The following TNIP1 variants were observed in gnomAD, a reference collection of about 807,000 sequenced individuals.
TNIP1 encodes the protein TNFAIP3 interacting protein 1.
In TNIP1, 22 loss-of-function variants were observed where a neutral mutation model predicts 86.6. That is an observed-to-expected ratio of 0.25 (90% CI 0.18 to 0.36). The LOEUF (loss-of-function observed/expected upper bound fraction) is 0.36, where lower values mean the gene tolerates loss of function less well. TNIP1 is among the 10% of genes least tolerant of loss of function. TNIP1 has a pLI of 1.00. For synonymous variants in TNIP1, 294 were observed against 313.0 expected (o/e 0.94, Z 0.64); for missense variants, 709 against 820.6 (o/e 0.86, Z 1.66).
At chr5:151,032,452 G>T in intron 16 of TNIP1, 69 bp from the exon 17 acceptor site, 1 of 1,433,090 alleles carries the variant, frequency 7.0e-7, no homozygotes. Flanking sequence ...TACTGTGCCA[G>T]GACAATACTA....
intron 15 of TNIP1, among the ~76,000 whole-genome samples, chr5:151,034,099 T>C (rs1302066999): frequency 1.5e-3 from 142 of 97,588 alleles, no homozygotes; most frequent in Middle Eastern, 0.01. Context: ...TACATGGGCA[T>C]GGAAGGCTAG....
At chr5:151,052,141 C>T in intron 7 of TNIP1, 24 bp downstream of exon 7, 1 of 1,610,794 alleles carries the variant, frequency 6.2e-7, no homozygotes, top group Middle Eastern at 1.7e-4. Flanking sequence ...CTCCTCACCC[C>T]TTCTCTGAGG....
intron 1 of TNIP1, among the ~76,000 whole-genome samples, chr5:151,070,797 A>C (rs1012623789): frequency 6.6e-6 from 1 of 152,176 alleles, no homozygotes; most frequent in Non-Finnish European, 1.5e-5. Flanking sequence ...TCCATCCATC[A>C]AAGGCCGGGT....
intron 5 of TNIP1, among the ~76,000 whole-genome samples, chr5:151,059,506 C>A (rs537315471): frequency 6.6e-6 from 1 of 152,212 alleles, no homozygotes; most frequent in Admixed American, 6.5e-5. Context: ...TGAAGGGAGG[C>A]AGCAGGGATC....
chr5:151,078,186 C>T (rs971270220), intron 1 of TNIP1, among the ~76,000 whole-genome samples: 1 of 152,242 alleles, frequency 6.6e-6, no homozygotes, highest in Non-Finnish European at 1.5e-5. Flanking sequence ...GCTCCTTACG[C>T]ACCTGTGCAT....
At chr5:151,047,631 T>C (rs1228511029) in intron 8 of TNIP1, among the ~76,000 whole-genome samples, 2 of 152,032 alleles carry the variant, frequency 1.3e-5, no homozygotes, top group African/African-American at 4.8e-5. Flanking sequence ...AGGAAGGGGA[T>C]AGGGGAACTC....
In TNIP1 at chr5:151,044,594, T is replaced by C. The variant is rs527546756; in HGVS notation, c.936+1267A>G. ...AATACAAAAAGAAATCTAAAACTAA[T>C]ATGCACATCAAGAAGCTTTCAAATG... On this transcript the variant is annotated intron_variant, in intron 9 of 17. Transcript: ENST00000521591. 8.5e-5 allele frequency among the ~76,000 whole-genome samples: 13 copies of C among 152,200 alleles called. No homozygotes were observed. The South Asian group carries it at 1.9e-3, about 22-fold the overall frequency.
upstream of TNIP1, among the ~76,000 whole-genome samples, chr5:151,084,198 ACT>A: frequency 6.6e-6 from 1 of 152,178 alleles, no homozygotes; most frequent in East Asian, 1.9e-4. Context: ...TAATCCCAAC[ACT>A]CTGGGAGGCT....
At chr5:151,055,136 G>A (rs1428628554) in intron 6 of TNIP1, among the ~76,000 whole-genome samples, 1 of 152,144 alleles carries the variant, frequency 6.6e-6, no homozygotes, top group Non-Finnish European at 1.5e-5. Flanking sequence ...TTCACCAAGT[G>A]TGTATGAAGT....
intron 5 of TNIP1, among the ~76,000 whole-genome samples, chr5:151,058,824 G>A (rs1336746366): frequency 1.3e-5 from 2 of 152,294 alleles, no homozygotes; most frequent in Admixed American, 1.3e-4. Flanking sequence ...GAGGTATAAC[G>A]AGAACTGAGG....
rs1225074320 is a variant in TNIP1 at position 151,057,236 on chromosome 5, G to A, written c.436-279C>T. On this transcript the variant is annotated intron_variant, in intron 5 of 17. Transcript: ENST00000521591. ...GTGCCTGACAGTAAGTCACTTGTCTGCTGGACCTCAGCATCCTCATCTACC... is the reference window on the plus strand; with the variant it reads ...GTGCCTGACAGTAAGTCACTTGTCTACTGGACCTCAGCATCCTCATCTACC... Among the ~76,000 whole-genome samples, 3 of 152,206 alleles carry A rather than the reference G, an allele frequency of 2.0e-5. No homozygotes were observed. The East Asian group carries it at 5.8e-4, about 29-fold the overall frequency.
intron 2 of TNIP1, among the ~76,000 whole-genome samples, chr5:151,064,086 C>A (rs897318583): frequency 2.6e-5 from 4 of 152,206 alleles, no homozygotes; most frequent in African/African-American, 9.6e-5. Flanking sequence ...GGGGCTCCCC[C>A]ACCCTACGGG....
At chr5:151,078,016 G>A (rs1763582617) in intron 1 of TNIP1, among the ~76,000 whole-genome samples, 1 of 152,100 alleles carries the variant, frequency 6.6e-6, no homozygotes, top group Admixed American at 6.5e-5. Flanking sequence ...CTTCCCTCCA[G>A]AAGACCCCTC....
At chr5:151,057,673 C>T (rs1428340066) in intron 5 of TNIP1, among the ~76,000 whole-genome samples, 1 of 152,140 alleles carries the variant, frequency 6.6e-6, no homozygotes, top group Non-Finnish European at 1.5e-5. Flanking sequence ...GCAGAGATCG[C>T]ACCACAGCAC....
rs1004505534 is a variant in TNIP1 at position 151,064,867 on chromosome 5, T to C, written c.136+93A>G. 7 of 1,569,984 alleles carry C rather than the reference T, an allele frequency of 4.5e-6. No individual in the cohort carries two copies. The African/African-American group carries it at 8.1e-5, about 18-fold the overall frequency. On this transcript the variant is annotated intron_variant, in intron 2 of 17. Transcript: ENST00000521591. Reference sequence around the variant, plus strand: ...ACAGGGGATGACTTGGGCAGAGGCATATGCCAGCTTCATTCTCCACTGCTA... The same window carrying C: ...ACAGGGGATGACTTGGGCAGAGGCACATGCCAGCTTCATTCTCCACTGCTA...
At chr5:151,064,692 C>T (rs1762019450) in intron 2 of TNIP1, among the ~76,000 whole-genome samples, 2 of 152,206 alleles carry the variant, frequency 1.3e-5, no homozygotes, top group Admixed American at 6.5e-5. Flanking sequence ...CTTCCAGCCC[C>T]CTTTCCCTTA....
rs1232267466 is a variant in TNIP1 at position 151,044,427 on chromosome 5, AATTTT to A, written c.936+1429_936+1433del. Among the ~76,000 whole-genome samples, 7 of 152,146 alleles carry A rather than the reference AATTTT, an allele frequency of 4.6e-5. No individual in the cohort carries two copies. In the South Asian group the frequency reaches 6.2e-4, roughly 14 times the overall value. On this transcript the variant is annotated intron_variant, in intron 9 of 17. Transcript: ENST00000521591. ...TATATATACACACACGTATATGTAT[AATTTT>A]ATTCTACTTTGAAAAAAACTGAGGG...
chr5:151,085,649 C>T (rs1764247374), upstream of TNIP1, among the ~76,000 whole-genome samples: 1 of 152,186 alleles, frequency 6.6e-6, no homozygotes, highest in African/African-American at 2.4e-5. Context: ...CCAGGCCCCT[C>T]CCACAGTTCC....
chr5:151,041,032 T>G (rs1581754866), intron 11 of TNIP1, among the ~76,000 whole-genome samples: 2 of 152,046 alleles, frequency 1.3e-5, no homozygotes, highest in South Asian at 4.2e-4. Context: ...GTCTCACTTA[T>G]GCCCACTCTC....
Sources: allele counts gnomAD v4.1 joint callset (sites outside exome capture counted in the v4.1 genomes callset), GRCh38; gene constraint gnomAD v4.1.1; transcripts MANE v1.5; gene names NCBI Gene and HGNC (gene_info 2026-07-23, HGNC 2026-07-21).